Variants in HSD17B2 observed in about 807,000 individuals in gnomAD.
The protein encoded by HSD17B2 is 17-beta-hydroxysteroid dehydrogenase type 2.
A neutral mutation model predicts 26.9 loss-of-function variants in HSD17B2; 32 were observed. That is an observed-to-expected ratio of 1.19 (90% CI 0.90 to 1.60). The LOEUF is 1.60. HSD17B2 is among the 40% of genes most tolerant of loss of function. The pLI, the probability that HSD17B2 is intolerant of heterozygous loss-of-function variation, is 0.00. For synonymous variants in HSD17B2, 246 were observed against 186.7 expected (o/e 1.32, Z -2.59); for missense variants, 613 against 468.6 (o/e 1.31, Z -2.85).
Position 82,068,187 on chromosome 16 carries a change from G to C in HSD17B2, c.283G>C (p.Gly95Arg). 1.2e-6 allele frequency: 2 copies of C among 1,614,156 alleles called. No homozygotes were observed. The highest frequency in any genetic ancestry group is 2.2e-5 in the South Asian group (2 of 91,076). ...CTATGCAGGTGGTGATTGCGGGCTTGGCCATGCTTTGTGCAAGTATCTGGA... is the reference window on the plus strand; with the variant it reads ...CTATGCAGGTGGTGATTGCGGGCTTCGCCATGCTTTGTGCAAGTATCTGGA... ...VLVTGGDCGL[G>R]HALCKYLDEL... Residue 95 changes from glycine (G) to arginine (R), a missense_variant, in exon 2 of 5, where the codon GGC (glycine) becomes CGC (arginine). Gly to Arg is a moderately radical substitution (Grantham distance 125). Transcript: ENST00000199936.
intron 1 of HSD17B2, among the ~76,000 whole-genome samples, chr16:82,067,456 T>C (rs1355802774): frequency 6.6e-6 from 1 of 152,244 alleles, no homozygotes; most frequent in East Asian, 1.9e-4. Flanking sequence ...CTTGGCTGGG[T>C]TGGGTATACT....
rs1434143817 is a variant in HSD17B2 at position 82,090,914 on chromosome 16, T to A, written c.677T>A (p.Met226Lys). ...NVSSMGGGAP[M>K]ERLASYGSSK... ...ATTATTCCCATAGGAGGGGCCCCAATGGAAAGGCTGGCATCTTATGGCTCA... is the reference window on the plus strand; with the variant it reads ...ATTATTCCCATAGGAGGGGCCCCAAAGGAAAGGCTGGCATCTTATGGCTCA... The change falls in exon 4 of 5, where the codon ATG becomes AAG. Residue 226 changes from methionine (M) to lysine (K), a missense_variant. Coordinates refer to ENST00000199936, the MANE Select transcript of HSD17B2 (RefSeq NM_002153.3). The A allele has an allele frequency of 1.9e-6, 3 of 1,611,522 alleles. No homozygotes were observed. The highest frequency in any genetic ancestry group is 2.5e-6 in the Non-Finnish European group (3 of 1,178,960).
chr16:82,090,239 T>C (rs1275934910), intron 3 of HSD17B2: 1 of 976,408 alleles, frequency 1.0e-6, no homozygotes, highest in Non-Finnish European at 1.2e-6. Context: ...AGAAGGTATG[T>C]TGGTCAGGCT....
chr16:82,053,211 A>C (rs1384910683), intron 1 of HSD17B2, among the ~76,000 whole-genome samples: 5 of 152,194 alleles, frequency 3.3e-5, no homozygotes, highest in Non-Finnish European at 5.9e-5. Context: ...CAAATGCAGA[A>C]GTCAACAGAA....
chr16:82,087,798 C>T (rs2966241), intron 3 of HSD17B2, among the ~76,000 whole-genome samples: 142,630 of 152,068 alleles, frequency 0.94, 67,321 homozygotes, highest in Non-Finnish European at 0.99. Context: ...TCTTGCTGTG[C>T]TGTTCCACAG....
chr16:82,076,281 A>C (rs1310106542), intron 3 of HSD17B2, among the ~76,000 whole-genome samples: 1 of 152,238 alleles, frequency 6.6e-6, no homozygotes, highest in Non-Finnish European at 1.5e-5. Flanking sequence ...AGCTACTGTC[A>C]TGCTGAATGG....
At chr16:82,037,732 A>G (rs1283809348) in intron 1 of HSD17B2, among the ~76,000 whole-genome samples, 1 of 152,242 alleles carries the variant, frequency 6.6e-6, no homozygotes, top group East Asian at 1.9e-4. Flanking sequence ...TGCAACCATT[A>G]AAAATGACAG....
chr16:82,037,412 C>T (rs570567517), intron 1 of HSD17B2, among the ~76,000 whole-genome samples: 23 of 152,094 alleles, frequency 1.5e-4, no homozygotes, highest in Non-Finnish European at 2.6e-4. Flanking sequence ...GAAGAAGCCA[C>T]GCTGAGTTTG....
At chr16:82,060,146 G>A (rs1478292749) in intron 1 of HSD17B2, among the ~76,000 whole-genome samples, 1 of 152,194 alleles carries the variant, frequency 6.6e-6, no homozygotes, top group Non-Finnish European at 1.5e-5. Flanking sequence ...ATGGGGAACA[G>A]GCAATGTCAA....
chr16:82,036,131 G>T (rs1046649921), intron 1 of HSD17B2, among the ~76,000 whole-genome samples: 3 of 152,126 alleles, frequency 2.0e-5, no homozygotes, highest in Non-Finnish European at 4.4e-5. Context: ...GTCCCTTGCT[G>T]TTTTGAAATA....
intron 1 of HSD17B2, among the ~76,000 whole-genome samples, chr16:82,051,384 G>C (rs1320932815): frequency 6.6e-6 from 1 of 152,174 alleles, no homozygotes; most frequent in Non-Finnish European, 1.5e-5. Context: ...AAAGACCATG[G>C]ACTAAAAAGG....
At chr16:82,097,189 C>T (rs1235785407) in intron 4 of HSD17B2, 1 of 151,380 alleles carries the variant, frequency 6.6e-6, no homozygotes, top group East Asian at 1.9e-4. Flanking sequence ...CCATTGTGCC[C>T]AGCTAAATTT....
intron 4 of HSD17B2, chr16:82,097,234 GTCTATGTCTA>G (rs1448061156): frequency 1.3e-5 from 2 of 150,156 alleles, no homozygotes; most frequent in Non-Finnish European, 3.0e-5. Flanking sequence ...CTATGTCTAT[GTCTATGTCTA>G]TGTCTATGTC....
At chr16:82,065,492 T>A (rs1177892722) in intron 1 of HSD17B2, among the ~76,000 whole-genome samples, 4 of 152,158 alleles carry the variant, frequency 2.6e-5, no homozygotes, top group Non-Finnish European at 5.9e-5. Context: ...ATGGCCCCCA[T>A]ATATCTAGCT....
intron 4 of HSD17B2, chr16:82,096,631 T>C (rs1295711076): frequency 6.6e-6 from 1 of 152,024 alleles, no homozygotes; most frequent in Non-Finnish European, 1.5e-5. Flanking sequence ...GTATATATTA[T>C]ATTGTAGACA....
chr16:82,058,503 C>T (rs1279759122), intron 1 of HSD17B2, among the ~76,000 whole-genome samples: 2 of 152,012 alleles, frequency 1.3e-5, no homozygotes, highest in African/African-American at 2.4e-5. Context: ...TGCATCTTAC[C>T]TTAGGTTGCA....
intron 1 of HSD17B2, chr16:82,052,440 T>C (rs1053941291): frequency 6.6e-6 from 1 of 152,272 alleles, no homozygotes; most frequent in African/African-American, 2.4e-5. Context: ...TGTATCCAAA[T>C]GTTTCTAGCG....
intron 3 of HSD17B2, among the ~76,000 whole-genome samples, chr16:82,077,360 C>A (rs1031989008): frequency 1.3e-5 from 2 of 152,190 alleles, no homozygotes; most frequent in Non-Finnish European, 2.9e-5. Context: ...AGAAATAAAT[C>A]TACACATCTA....
rs1914136490 is a variant in HSD17B2 at position 82,052,454 on chromosome 16, G to C, written c.266-15716G>C. On this transcript the variant is annotated intron_variant, in intron 1 of 4. Transcript: ENST00000199936. ...ATGTATCCAAATGTTTCTAGCGAGAGGGTCCTGTGAATGGAATTGTCAGTG... is the reference window on the plus strand; with the variant it reads ...ATGTATCCAAATGTTTCTAGCGAGACGGTCCTGTGAATGGAATTGTCAGTG... The C allele has an allele frequency of 4.6e-5, 7 of 152,264 alleles. 1 individual carries two copies. 9.4% of individuals were successfully genotyped at this position (152,264 alleles called of 1,614,324 possible).
Sources: allele counts gnomAD v4.1 joint callset (sites outside exome capture counted in the v4.1 genomes callset), GRCh38; gene constraint gnomAD v4.1.1; transcripts MANE v1.5; gene names NCBI Gene and HGNC (gene_info 2026-07-23, HGNC 2026-07-21).